Variants in MTA3 observed in about 807,000 individuals in gnomAD.
The protein encoded by MTA3 is metastasis associated 1 family member 3, also known as metastasis-associated protein MTA3.
Under a neutral mutation model 83.5 loss-of-function variants are expected in MTA3, and 34 were observed. The ratio of observed to expected loss-of-function variants is 0.41; its 90% CI spans 0.31 to 0.54. The LOEUF is 0.54. Among genes scored for constraint, MTA3 ranks in the 20% least tolerant of loss-of-function variants. MTA3 has a pLI of 0.33. For synonymous variants in MTA3, 303 were observed against 252.7 expected, an observed-to-expected ratio of 1.20 and a Z score of -1.89; for missense variants, 761 against 726.4, an observed-to-expected ratio of 1.05 and a Z score of -0.55.
At chr2:42,707,816 A>G in intron 12 of MTA3, 87 bp from the exon 13 acceptor site, 3 of 1,307,790 alleles carry the variant, frequency 2.3e-6, no homozygotes, top group Non-Finnish European at 2.1e-6. Context: ...AAGCATGACA[A>G]GTATTTTTAA....
At chr2:42,683,779 G>T (rs11679371) in intron 9 of MTA3, among the ~76,000 whole-genome samples, 1 of 151,940 alleles carries the variant, frequency 6.6e-6, no homozygotes, top group Non-Finnish European at 1.5e-5. Flanking sequence ...ACCTCAGGGG[G>T]CAGTGGGAGT....
intron 3 of MTA3, among the ~76,000 whole-genome samples, chr2:42,602,233 T>A (rs1030898518): frequency 5.9e-5 from 9 of 152,168 alleles, no homozygotes; most frequent in African/African-American, 1.9e-4. Context: ...TGCCTCGGCC[T>A]CCTGAAGTGC....
At chr2:42,621,778 G>A (rs1178648576) in intron 4 of MTA3, among the ~76,000 whole-genome samples, 4 of 151,660 alleles carry the variant, frequency 2.6e-5, no homozygotes, top group African/African-American at 4.9e-5. Flanking sequence ...CTTCTCAGAC[G>A]GGGCGGCTGG....
intron 2 of MTA3, among the ~76,000 whole-genome samples, chr2:42,572,463 C>T (rs1333399755): frequency 1.3e-5 from 2 of 151,888 alleles, no homozygotes; most frequent in Non-Finnish European, 2.9e-5. Flanking sequence ...CCTGTAGTCC[C>T]AGTTACTTGG....
intron 2 of MTA3, among the ~76,000 whole-genome samples, chr2:42,551,752 C>G (rs1390977048): frequency 6.7e-6 from 1 of 149,654 alleles, no homozygotes; most frequent in African/African-American, 2.5e-5. Flanking sequence ...TTTTTTTTTT[C>G]TTTTTGAGAT....
Position 42,568,790 on chromosome 2 carries a change from C to G in MTA3, c.28+17C>G, listed in dbSNP as rs1408799161. On this transcript the variant is annotated intron_variant, in intron 1 of 16. Coordinates refer to ENST00000405094, the MANE Select transcript of MTA3 (RefSeq NM_001330442.2). ...GGGTCGGAGGTAGGCAGGCTCGGCCCGACCCGGCCCGTGTGGGAGCGGGTT... is the reference window on the plus strand; with the variant it reads ...GGGTCGGAGGTAGGCAGGCTCGGCCGGACCCGGCCCGTGTGGGAGCGGGTT... 1 of 1,215,212 alleles carries G rather than the reference C, an allele frequency of 8.2e-7. No individual in the cohort carries two copies. The highest frequency in any genetic ancestry group is 1.6e-5 in the African/African-American group (1 of 63,596). 75.3% of individuals were successfully genotyped at this position (1,215,212 alleles called of 1,614,324 possible).
At chr2:42,546,044 C>A (rs1163814109) in intron 2 of MTA3, among the ~76,000 whole-genome samples, 1 of 152,168 alleles carries the variant, frequency 6.6e-6, no homozygotes, top group Non-Finnish European at 1.5e-5. Context: ...CTAAGCCACT[C>A]CTGAAAGGGC....
chr2:42,560,305 G>A (rs1409043309), intron 2 of MTA3, among the ~76,000 whole-genome samples: 2 of 151,078 alleles, frequency 1.3e-5, no homozygotes, highest in East Asian at 2.0e-4. Context: ...CACTGTGCCC[G>A]GCTGATTTTT....
intron 2 of MTA3, among the ~76,000 whole-genome samples, chr2:42,523,980 T>A (rs902560068): frequency 5.9e-5 from 9 of 151,894 alleles, no homozygotes; most frequent in African/African-American, 1.5e-4. Context: ...GAATATTTTT[T>A]AAAAAGAAAA....
intron 11 of MTA3, chr2:42,703,303 A>G (rs1201940513): frequency 6.6e-6 from 1 of 152,228 alleles, no homozygotes; most frequent in African/African-American, 2.4e-5. Flanking sequence ...GCTATGTAAT[A>G]TTTCTGATAA....
At chr2:42,726,363 T>C (rs1053841666) in intron 16 of MTA3, among the ~76,000 whole-genome samples, 4 of 151,986 alleles carry the variant, frequency 2.6e-5, no homozygotes, top group African/African-American at 9.7e-5. Flanking sequence ...TTTAATTTTA[T>C]TATTATTGTA....
At chr2:42,536,209 C>T (rs960870434) in intron 2 of MTA3, among the ~76,000 whole-genome samples, 2 of 151,778 alleles carry the variant, frequency 1.3e-5, no homozygotes, top group Non-Finnish European at 2.9e-5. Flanking sequence ...CGCAGTTGCT[C>T]ACACCTGTAA....
intron 12 of MTA3, among the ~76,000 whole-genome samples, chr2:42,705,795 T>C (rs1193264148): frequency 2.0e-5 from 3 of 152,212 alleles, no homozygotes; most frequent in African/African-American, 7.2e-5. Flanking sequence ...TTTTTATGTG[T>C]GCATGATGAA....
intron 11 of MTA3, chr2:42,702,496 C>A (rs59563517): frequency 6.6e-6 from 1 of 152,190 alleles, no homozygotes; most frequent in Admixed American, 6.5e-5. Flanking sequence ...AGTGGAAGAC[C>A]TTGAGTCAAC....
intron 9 of MTA3, among the ~76,000 whole-genome samples, chr2:42,687,876 C>T (rs1427343920): frequency 6.6e-6 from 1 of 152,202 alleles, no homozygotes; most frequent in Non-Finnish European, 1.5e-5. Flanking sequence ...CCCCCTTCTT[C>T]ATCTCTGACT....
At chr2:42,578,767 TG>T (rs1679313177) in intron 2 of MTA3, among the ~76,000 whole-genome samples, 1 of 152,230 alleles carries the variant, frequency 6.6e-6, no homozygotes, top group South Asian at 2.1e-4. Context: ...CTTTCTCTTT[TG>T]TTTTTTTTAA....
chr2:42,755,816 A>G lies in MTA3; in HGVS notation c.*2417A>G, dbSNP rs1670201685. The G allele has an allele frequency of 1.3e-5, 13 of 985,402 alleles. 1 individual carries two copies. In the South Asian group the frequency reaches 4.7e-4, roughly 36 times the overall value. 61.0% of individuals were successfully genotyped at this position (985,402 alleles called of 1,614,324 possible). A position where few individuals can be genotyped will look rare whatever the true frequency, so the allele number is the denominator to read the frequency against. Reference sequence around the variant, plus strand: ...GTGGACGTGCAGAGACTGTCTGCGCAGCCCCCAGCAGACATGCCCCTGGGG... The same window carrying G: ...GTGGACGTGCAGAGACTGTCTGCGCGGCCCCCAGCAGACATGCCCCTGGGG... On this transcript the variant is annotated 3_prime_UTR_variant, in exon 17 of 17. Coordinates refer to ENST00000405094, the MANE Select transcript of MTA3 (RefSeq NM_001330442.2).
intron 3 of MTA3, among the ~76,000 whole-genome samples, chr2:42,605,141 C>T (rs1683097231): frequency 1.3e-5 from 2 of 149,682 alleles, no homozygotes; most frequent in Non-Finnish European, 3.0e-5. Flanking sequence ...AGGGGCTCCT[C>T]ACTTCCCAGT....
chr2:42,607,698 A>C (rs1240361981), intron 3 of MTA3, among the ~76,000 whole-genome samples: 1 of 152,128 alleles, frequency 6.6e-6, no homozygotes, highest in Admixed American at 6.5e-5. Context: ...CCACTCTAAT[A>C]ATTGATTTAT....
Sources: allele counts gnomAD v4.1 joint callset (sites outside exome capture counted in the v4.1 genomes callset), GRCh38; gene constraint gnomAD v4.1.1; transcripts MANE v1.5; gene names NCBI Gene and HGNC (gene_info 2026-07-23, HGNC 2026-07-21).